CHST8: variants seen among roughly 807,000 people sequenced by gnomAD.
CHST8 encodes the protein carbohydrate sulfotransferase 8.
CHST8 carries 10 observed loss-of-function variants against 15.0 expected under a neutral mutation model. The observed-to-expected ratio is 0.67, with a 90% CI of 0.41 to 1.13. CHST8 has a LOEUF of 1.13. Ranked by LOEUF, CHST8 falls within the 50% of genes most tolerant of loss-of-function variation. CHST8 has a pLI of 0.00. For missense variants in CHST8, 634 were observed against 608.2 expected (o/e 1.04, Z -0.45); for synonymous variants, 259 against 256.6 (o/e 1.01, Z -0.09).
intron 3 of CHST8, among the ~76,000 whole-genome samples, chr19:33,729,668 A>C (rs1326659240): frequency 6.6e-6 from 1 of 152,208 alleles, no homozygotes; most frequent in Non-Finnish European, 1.5e-5. Context: ...ACAGCAAGTC[A>C]ATACACCCAA....
intron 3 of CHST8, among the ~76,000 whole-genome samples, chr19:33,701,333 G>A (rs888262701): frequency 6.6e-6 from 1 of 152,168 alleles, no homozygotes; most frequent in African/African-American, 2.4e-5. Flanking sequence ...TCTCTAGCCA[G>A]AGCCTCACTT....
chr19:33,771,447 C>A lies in CHST8; in HGVS notation c.165C>A (p.His55Gln), dbSNP rs755905971. Residue 55 changes from histidine (H) to glutamine (Q), a missense_variant, in exon 4 of 5, where the codon CAC (histidine) becomes CAA (glutamine). Physicochemically the swap from His to Gln is conservative, Grantham distance 24. Transcript: ENST00000650847. ...IKFNIRPRQPHHDLPPGGSQD... is the reference protein window; with the variant it reads ...IKFNIRPRQPQHDLPPGGSQD... ...TCAACATCAGGCCAAGGCAGCCCCA[C>A]CACGTAAGTTCTGAGAGTCAGATAA... The A allele has an allele frequency of 6.2e-7, 1 of 1,614,084 alleles. No homozygotes were observed. The highest frequency in any genetic ancestry group is 1.7e-5 in the Admixed American group (1 of 60,028).
chr19:33,745,801 GT>G (rs1001386807), intron 3 of CHST8, among the ~76,000 whole-genome samples: 8 of 152,368 alleles, frequency 5.3e-5, no homozygotes, highest in Middle Eastern at 3.4e-3. Context: ...AGCCCCTTGG[GT>G]GAGGGGACTT....
At chr19:33,705,365 T>G (rs994881644) in intron 3 of CHST8, among the ~76,000 whole-genome samples, 4 of 152,220 alleles carry the variant, frequency 2.6e-5, no homozygotes, top group African/African-American at 9.6e-5. Context: ...ACTGTTCAGG[T>G]CAGGCAGGGG....
At chr19:33,765,552 TGTCA>T (rs1462557810) in intron 3 of CHST8, among the ~76,000 whole-genome samples, 1 of 82,426 alleles carries the variant, frequency 1.2e-5, no homozygotes, top group African/African-American at 4.9e-5. Context: ...TGTGTGTGTG[TGTCA>T]GAGAGAGAGA....
chr19:33,709,419 A>AG (rs1274717543), intron 3 of CHST8, among the ~76,000 whole-genome samples: 2 of 152,176 alleles, frequency 1.3e-5, no homozygotes, highest in Non-Finnish European at 2.9e-5. Context: ...AGAAAAAAAA[A>AG]TTTAACCATG....
chr19:33,741,745 A>G (rs560841081), intron 3 of CHST8, among the ~76,000 whole-genome samples: 1 of 150,860 alleles, frequency 6.6e-6, no homozygotes, highest in South Asian at 2.1e-4. Flanking sequence ...TCTCTATGAG[A>G]CCCCCAGGAA....
chr19:33,766,606 A>G (rs113601644), intron 3 of CHST8, among the ~76,000 whole-genome samples: 1 of 152,218 alleles, frequency 6.6e-6, no homozygotes, highest in South Asian at 2.1e-4. Context: ...GTCCGGGACA[A>G]CAGTGTTCAT....
At chr19:33,644,045 G>A (rs1972318023) in intron 1 of CHST8, among the ~76,000 whole-genome samples, 1 of 152,100 alleles carries the variant, frequency 6.6e-6, no homozygotes, top group Non-Finnish European at 1.5e-5. Flanking sequence ...CCATTCTCCT[G>A]TCTCAGCTTC....
chr19:33,763,164 C>G (rs552893423), intron 3 of CHST8, among the ~76,000 whole-genome samples: 1 of 152,210 alleles, frequency 6.6e-6, no homozygotes, highest in Non-Finnish European at 1.5e-5. Flanking sequence ...GGCCTGTCTT[C>G]TAATTTTTGA....
intron 2 of CHST8, among the ~76,000 whole-genome samples, chr19:33,677,332 G>T (rs990741051): frequency 3.3e-5 from 5 of 152,194 alleles, no homozygotes; most frequent in Admixed American, 3.3e-4. Flanking sequence ...TCTTCTGCCT[G>T]TGTCCTTGAG....
rs34236738 is a variant in CHST8 at position 33,661,867 on chromosome 19, CAAAAAAAA to C, written c.-163-5887_-163-5880del. 2.2e-3 allele frequency among the ~76,000 whole-genome samples: 170 copies of C among 76,704 alleles called. 1 individual carries two copies. Among genetic ancestry groups the C allele is most frequent in the African/African-American group, 6.7e-3 (154 of 23,050 alleles). The allele number at this position is 76,704 out of a possible 152,430, so 50.3% of individuals were successfully genotyped here. On this transcript the variant is annotated intron_variant, in intron 1 of 4. Transcript: ENST00000650847. The stretch of plus-strand genomic sequence containing the variant: ...GCAACACAGGGAGATTTCATCTTTA[CAAAAAAAA>C]AAAAAAAAAAAATAGGCGGGTATGG...
At chr19:33,758,930 G>GA (rs1974661538) in intron 3 of CHST8, among the ~76,000 whole-genome samples, 2 of 152,280 alleles carry the variant, frequency 1.3e-5, no homozygotes, top group African/African-American at 4.8e-5. Flanking sequence ...GGCGGGGGGG[G>GA]GCGGTGCTCA....
intron 1 of CHST8, among the ~76,000 whole-genome samples, chr19:33,658,271 C>T (rs1252951475): frequency 2.6e-5 from 4 of 152,128 alleles, no homozygotes; most frequent in African/African-American, 4.8e-5. Context: ...ACTCGGGAGG[C>T]GGAGATTGCA....
Position 33,727,677 on chromosome 19 carries a change from CATGTT to C in CHST8, c.130+38288_130+38292del, listed in dbSNP as rs1973926962. ...TCCAGGCCCCCCGGAAGGAGGAACA[CATGTT>C]AAATATTTGCGGTTTTGCTGCGTTA... On this transcript the variant is annotated intron_variant, in intron 3 of 4. Coordinates refer to ENST00000650847, the MANE Select transcript of CHST8 (RefSeq NM_001127895.2). Among the ~76,000 whole-genome samples the C allele has an allele frequency of 2.6e-5, 4 of 152,356 alleles. 1 individual carries two copies. The South Asian group carries it at 8.3e-4, about 32-fold the overall frequency.
intron 2 of CHST8, among the ~76,000 whole-genome samples, chr19:33,670,421 G>A (rs1013982351): frequency 6.6e-6 from 1 of 152,176 alleles, no homozygotes; most frequent in Non-Finnish European, 1.5e-5. Context: ...AATAGTGCTT[G>A]GCATACTCAG....
At chr19:33,630,951 G>A (rs1000843826) in intron 1 of CHST8, among the ~76,000 whole-genome samples, 3 of 152,130 alleles carry the variant, frequency 2.0e-5, no homozygotes, top group South Asian at 2.1e-4. Flanking sequence ...GCCTGGGTCC[G>A]GGCTTCCCCT....
At chr19:33,757,564 GAA>G (rs1288071719) in intron 3 of CHST8, among the ~76,000 whole-genome samples, 1 of 130,462 alleles carries the variant, frequency 7.7e-6, no homozygotes, top group Non-Finnish European at 1.7e-5. Context: ...AAGAAAGAAA[GAA>G]AGAAAGAAAG....
intron 1 of CHST8, among the ~76,000 whole-genome samples, chr19:33,660,756 AG>A (rs1972575554): frequency 6.6e-6 from 1 of 152,218 alleles, no homozygotes; most frequent in South Asian, 2.1e-4. Context: ...TGCAATTGAA[AG>A]TGGGTATAAA....
Sources: gnomAD v4.1 joint callset for allele counts (sites outside exome capture counted in the v4.1 genomes callset) on GRCh38, gnomAD v4.1.1 for gene constraint, MANE v1.5 for transcripts, NCBI Gene and HGNC (gene_info 2026-07-23, HGNC 2026-07-21) for gene names.